Variants in POLI observed in about 807,000 individuals in gnomAD.
POLI encodes the protein DNA polymerase iota.
Under a neutral mutation model 51.6 loss-of-function variants are expected in POLI, and 58 were observed. The observed-to-expected ratio is 1.12, with a 90% CI of 0.91 to 1.40. The LOEUF is 1.40. Ranked by LOEUF, POLI falls within the 40% of genes most tolerant of loss-of-function variation. The pLI, the probability that POLI is intolerant of heterozygous loss-of-function variation, is 0.00. For missense variants in POLI, 921 were observed against 871.3 expected, an observed-to-expected ratio of 1.06 and a Z score of -0.72; for synonymous variants, 322 against 299.7, an observed-to-expected ratio of 1.07 and a Z score of -0.77.
rs778345903 is a variant in POLI at position 54,271,349 on chromosome 18, A to G, written c.116-11A>G. ...CCTGAATTTCTTTTTATTTCTTTGC[A>G]TATTGTGCAGGAGTTCATGATCAAG... is the stretch of plus-strand genomic sequence containing the variant. On this transcript the variant is annotated splice_polypyrimidine_tract_variant and intron_variant, in intron 1 of 9. Transcript: ENST00000579534. 1.3e-5 allele frequency: 21 copies of G among 1,596,822 alleles called. No individual in the cohort carries two copies. The East Asian group carries it at 4.0e-4, about 31-fold the overall frequency.
chr18:54,288,495 A>G (rs921886278), intron 8 of POLI, among the ~76,000 whole-genome samples: 1 of 152,202 alleles, frequency 6.6e-6, no homozygotes, highest in Non-Finnish European at 1.5e-5. Context: ...CTGAATTACC[A>G]TGACATCTTT....
downstream of POLI, among the ~76,000 whole-genome samples, chr18:54,301,681 T>C (rs2088493484): frequency 6.6e-6 from 1 of 152,178 alleles, no homozygotes; most frequent in Non-Finnish European, 1.5e-5. Context: ...TAGCTGTTCG[T>C]GCCTCCAGAC....
chr18:54,312,124 C>A (rs757677725), intron 3 of POLI, among the ~76,000 whole-genome samples: 2 of 151,970 alleles, frequency 1.3e-5, no homozygotes, highest in African/African-American at 4.8e-5. Context: ...CTTATATTCC[C>A]CCCCAGCGTC....
downstream of POLI, among the ~76,000 whole-genome samples, chr18:54,300,564 G>T (rs1332243747): frequency 6.6e-6 from 1 of 151,716 alleles, no homozygotes; most frequent in African/African-American, 2.4e-5. Context: ...AGAGGAATAG[G>T]ACACATGGGG....
intron 1 of POLI, chr18:54,270,358 T>C (rs1473035020): frequency 6.6e-6 from 1 of 152,326 alleles, no homozygotes; most frequent in Non-Finnish European, 1.5e-5. Flanking sequence ...AGATCAGGTG[T>C]AGCTGTGTTG....
At chr18:54,305,149 G>A (rs2088560314) in intron 3 of POLI, among the ~76,000 whole-genome samples, 1 of 152,176 alleles carries the variant, frequency 6.6e-6, no homozygotes, top group Admixed American at 6.5e-5. Flanking sequence ...GTACCATGCT[G>A]TTTTGGTTAC....
In POLI at chr18:54,297,122, C is replaced by T; in HGVS notation, c.*2655C>T. ...ATGCCTTGTCTTAAGTGTAAGCTCC[C>T]TGACCCTTACTACTAGCCGAAGGTT... On this transcript the variant is annotated 3_prime_UTR_variant, in exon 10 of 10. Transcript: ENST00000579534. The T allele has an allele frequency of 3.0e-6, 3 of 985,366 alleles. No individual in the cohort carries two copies. Among genetic ancestry groups the T allele is most frequent in the South Asian group, 9.4e-5 (2 of 21,284 alleles). 61.0% of individuals were successfully genotyped at this position (985,366 alleles called of 1,614,324 possible).
At chr18:54,290,965 TTAAAGTATAAAAGAAAAAAAATTA>T (rs1163501799) in intron 8 of POLI, among the ~76,000 whole-genome samples, 1 of 152,136 alleles carries the variant, frequency 6.6e-6, no homozygotes, top group Non-Finnish European at 1.5e-5. Context: ...ACCCCAGAAC[TTAAAGTATAAAAGAAAAAAAATTA>T]GGCCATTTTC....
Position 54,269,603 on chromosome 18 carries a change from AGAC to A in POLI, c.59_61del (p.Asp20del). 4 of 1,489,722 alleles carry A rather than the reference AGAC, an allele frequency of 2.7e-6. No individual in the cohort carries two copies. The highest frequency in any genetic ancestry group is 3.6e-6 in the Non-Finnish European group (4 of 1,120,622). The allele number at this position is 1,489,722 out of a possible 1,614,324, so 92.3% of individuals were successfully genotyped here. On this transcript the variant is annotated inframe_deletion, in exon 1 of 10. Coordinates refer to ENST00000579534, the MANE Select transcript of POLI (RefSeq NM_007195.3). Reference sequence around the variant, plus strand: ...AAGGCGGCGGCGACGACGACGAGGAAGACGCCGAGGCCTGGGCCATGGAACTGG... The same window carrying A: ...AAGGCGGCGGCGACGACGACGAGGAAGCCGAGGCCTGGGCCATGGAACTGG...
At chr18:54,302,346 A>G (rs966631748), downstream of POLI, among the ~76,000 whole-genome samples, 1 of 152,170 alleles carries the variant, frequency 6.6e-6, no homozygotes, top group Non-Finnish European at 1.5e-5. Flanking sequence ...AACATTCTCT[A>G]GTTCAGAGAC....
chr18:54,319,483 G>A (rs1301254964), intron 3 of POLI, among the ~76,000 whole-genome samples: 2 of 152,032 alleles, frequency 1.3e-5, no homozygotes, highest in African/African-American at 4.8e-5. Context: ...TTTTGTTTTG[G>A]TAAGTCCAGT....
At chr18:54,321,056 G>T (rs1226404244) in intron 4 of POLI, 1 of 152,048 alleles carries the variant, frequency 6.6e-6, no homozygotes, top group Non-Finnish European at 1.5e-5. Flanking sequence ...CAGTTTTATT[G>T]TGTGTATAGA....
chr18:54,309,391 GT>G (rs2088636199), intron 3 of POLI, among the ~76,000 whole-genome samples: 1 of 152,170 alleles, frequency 6.6e-6, no homozygotes, highest in Non-Finnish European at 1.5e-5. Flanking sequence ...TCCAGACCCT[GT>G]TTTCCTGGGT....
chr18:54,313,552 C>G (rs765593819), intron 3 of POLI, among the ~76,000 whole-genome samples: 1 of 152,062 alleles, frequency 6.6e-6, no homozygotes, highest in Non-Finnish European at 1.5e-5. Context: ...GGCACTATTA[C>G]CATTTTAATG....
At position 54,284,028 on chromosome 18, in the gene POLI, A is replaced by G. The variant is rs1231614536; in HGVS notation, c.1067+15A>G. ...CTTTTAAACAGGTGATTTTCAATCC[A>G]TTTTGCCAAGTCATCCTATGTATTC... On this transcript the variant is annotated intron_variant, in intron 7 of 9. Coordinates refer to ENST00000579534, the MANE Select transcript of POLI (RefSeq NM_007195.3). 1 of 1,119,870 alleles carries G rather than the reference A, an allele frequency of 8.9e-7. No homozygotes were observed. The highest frequency in any genetic ancestry group is 1.4e-5 in the South Asian group (1 of 71,708). 69.4% of individuals were successfully genotyped at this position (1,119,870 alleles called of 1,614,324 possible).
At chr18:54,318,998 G>A (rs957516483) in intron 3 of POLI, among the ~76,000 whole-genome samples, 16 of 151,974 alleles carry the variant, frequency 1.1e-4, no homozygotes, top group African/African-American at 3.9e-4. Flanking sequence ...CTTTCTTGGG[G>A]TTCCCAAGAA....
chr18:54,286,535 T>G (rs553555743), intron 7 of POLI, among the ~76,000 whole-genome samples: 1 of 149,824 alleles, frequency 6.7e-6, no homozygotes, highest in East Asian at 1.9e-4. Flanking sequence ...AAAAAAAATC[T>G]TTTTTTTGGT....
intron 1 of POLI, chr18:54,270,815 T>G (rs2086972793): frequency 6.6e-6 from 1 of 152,286 alleles, no homozygotes; most frequent in Non-Finnish European, 1.5e-5. Flanking sequence ...TGGTCTGTTA[T>G]GTCCTAGACA....
downstream of POLI, among the ~76,000 whole-genome samples, chr18:54,299,975 A>G (rs980854472): frequency 1.4e-4 from 21 of 152,158 alleles, no homozygotes; most frequent in Non-Finnish European, 2.9e-5. Context: ...GAAGTGGGGG[A>G]AAAGTTGGTT....
Sources: gnomAD v4.1 joint callset for allele counts (sites outside exome capture counted in the v4.1 genomes callset) on GRCh38, gnomAD v4.1.1 for gene constraint, MANE v1.5 for transcripts, NCBI Gene and HGNC (gene_info 2026-07-23, HGNC 2026-07-21) for gene names.